Variants in CRACD observed in about 807,000 individuals in gnomAD.
The protein encoded by CRACD is capping protein inhibiting regulator of actin dynamics, also known as capping protein-inhibiting regulator of actin dynamics.
In CRACD, 56 loss-of-function variants were observed where a neutral mutation model predicts 106.8. The ratio of observed to expected loss-of-function variants is 0.52; its 90% CI spans 0.42 to 0.66. CRACD has a LOEUF of 0.66. Ranked by LOEUF, CRACD falls within the 30% of genes least tolerant of loss-of-function variation. The pLI is 0.00. For synonymous variants in CRACD, 754 were observed against 670.8 expected, an observed-to-expected ratio of 1.12 and a Z score of -1.92; for missense variants, 1,730 against 1,623.2, an observed-to-expected ratio of 1.07 and a Z score of -1.13.
chr4:56,252,026 G>A (rs11942391), intron 2 of CRACD, among the ~76,000 whole-genome samples: 30,172 of 149,816 alleles, frequency 0.2, 4,222 homozygotes, highest in East Asian at 0.7. Flanking sequence ...AAGAAGTAGT[G>A]CCAACATTAT....
chr4:56,123,882 A>G (rs569658936), intron 1 of CRACD, among the ~76,000 whole-genome samples: 3 of 152,316 alleles, frequency 2.0e-5, no homozygotes, highest in Non-Finnish European at 2.9e-5. Flanking sequence ...CTGAACAACC[A>G]TGTTTCCTGA....
chr4:56,268,536 T>C (rs1475587973), intron 2 of CRACD, among the ~76,000 whole-genome samples: 1 of 152,092 alleles, frequency 6.6e-6, no homozygotes, highest in Non-Finnish European at 1.5e-5. Flanking sequence ...GCAACTGATA[T>C]AAAAGGAAAA....
chr4:56,266,403 A>C (rs578252755), intron 2 of CRACD, among the ~76,000 whole-genome samples: 1 of 152,346 alleles, frequency 6.6e-6, no homozygotes, highest in African/African-American at 2.4e-5. Flanking sequence ...CTAGAGCTGC[A>C]GTGAGGAAAA....
intron 1 of CRACD, among the ~76,000 whole-genome samples, chr4:56,132,318 A>G (rs12510940): frequency 0.35 from 53,740 of 151,862 alleles, 10,023 homozygotes; most frequent in East Asian, 0.54. Flanking sequence ...GGGATTACAG[A>G]CATGAGCCAC....
At chr4:56,108,599 G>A (rs1228378296) in intron 1 of CRACD, among the ~76,000 whole-genome samples, 1 of 152,098 alleles carries the variant, frequency 6.6e-6, no homozygotes, top group Non-Finnish European at 1.5e-5. Flanking sequence ...GTGGAGACCG[G>A]TAGTGGCCCC....
chr4:56,316,058 C>G lies in CRACD; in HGVS notation c.2556C>G (p.Thr852=). 1 of 1,614,170 alleles carries G rather than the reference C, an allele frequency of 6.2e-7. No homozygotes were observed. The highest frequency in any genetic ancestry group is 8.5e-7 in the Non-Finnish European group (1 of 1,180,038). ...ASPFGIKLRR[T]NYSLRFNCDQ... is the part of the protein sequence containing the mutation. ...CGTTTGGAATAAAATTGAGAAGGAC[C>G]AACTATTCCTTGCGCTTCAACTGCG... Residue 852 remains threonine, a synonymous_variant, in exon 8 of 11, where the codon ACC becomes ACG. Transcript: ENST00000682029.
Position 56,315,606 on chromosome 4 carries a change from C to A in CRACD, c.2104C>A (p.Arg702=), listed in dbSNP as rs528871147. ...CGGTGATGAGTCCACTCCCAGGGGC[C>A]GGTGTGATTCCCGCGGGAACCAACG... ...RPGDESTPRG[R]CDSRGNQRKT... The change falls in exon 8 of 11, where the codon CGG becomes AGG. Residue 702 remains arginine, a synonymous_variant. Transcript: ENST00000682029. This position sits in a 1 kb window ranked among gnomAD's most constrained non-coding sequence, Gnocchi z 4.1. The A allele has an allele frequency of 7.4e-6, 12 of 1,614,160 alleles. No individual in the cohort carries two copies. In the African/African-American group the frequency reaches 1.6e-4, roughly 22 times the overall value.
intron 2 of CRACD, among the ~76,000 whole-genome samples, chr4:56,208,075 A>T (rs1738218955): frequency 6.6e-6 from 1 of 151,624 alleles, no homozygotes; most frequent in Non-Finnish European, 1.5e-5. Context: ...CGGCCTCCCA[A>T]AGTGCTGGAA....
intron 2 of CRACD, among the ~76,000 whole-genome samples, chr4:56,247,951 C>T (rs188496022): frequency 9.0e-4 from 137 of 152,044 alleles, no homozygotes; most frequent in African/African-American, 3.0e-3. Context: ...TATTTTATCA[C>T]GATAAATAAC....
At chr4:56,265,223 A>C (rs1741939280) in intron 2 of CRACD, among the ~76,000 whole-genome samples, 1 of 152,244 alleles carries the variant, frequency 6.6e-6, no homozygotes, top group Non-Finnish European at 1.5e-5. Context: ...CAGATATTCC[A>C]AAGCTAAGAA....
At chr4:56,093,645 C>A (rs904989199) in intron 1 of CRACD, among the ~76,000 whole-genome samples, 7 of 152,144 alleles carry the variant, frequency 4.6e-5, no homozygotes, top group Non-Finnish European at 8.8e-5. Context: ...TGCCAGGTTC[C>A]ATTTGAGATC....
chr4:56,220,347 C>T (rs1292328010), intron 2 of CRACD, among the ~76,000 whole-genome samples: 10 of 152,182 alleles, frequency 6.6e-5, no homozygotes, highest in Admixed American at 5.9e-4. Context: ...CAACTGTTGC[C>T]TCTCCCTAAA....
chr4:56,328,276 C>G lies in CRACD; in HGVS notation c.*472C>G. 1 of 516,388 alleles carries G rather than the reference C, an allele frequency of 1.9e-6. No homozygotes were observed. The highest frequency in any genetic ancestry group is 1.4e-5 in the South Asian group (1 of 70,724). 32.0% of individuals were successfully genotyped at this position (516,388 alleles called of 1,614,324 possible). A position where few individuals can be genotyped will look rare whatever the true frequency, so the allele number is the denominator to read the frequency against. On this transcript the variant is annotated 3_prime_UTR_variant, in exon 11 of 11. Coordinates refer to ENST00000682029, the MANE Select transcript of CRACD (RefSeq NM_001393381.1). ...GTAATGGTGAAAGGATCATATCTAG[C>G]TAAAAGCAAGAACACCCATTCTCCT...
At chr4:56,116,230 G>A (rs564361902) in intron 1 of CRACD, among the ~76,000 whole-genome samples, 2 of 152,258 alleles carry the variant, frequency 1.3e-5, no homozygotes, top group African/African-American at 2.4e-5. Flanking sequence ...TAGCCTTGAT[G>A]TTCTGGTCTC....
Position 56,316,078 on chromosome 4 carries a change from A to C in CRACD, c.2576A>C (p.Asn859Thr). Residue 859 changes from asparagine to threonine, a missense_variant, in exon 8 of 11, where the codon AAC (asparagine) becomes ACC (threonine). Coordinates refer to ENST00000682029, the MANE Select transcript of CRACD (RefSeq NM_001393381.1). ...AGGACCAACTATTCCTTGCGCTTCA[A>C]CTGCGACCAACAGGCAGAACAGAAG... Reference protein sequence around the residue: ...LRRTNYSLRFNCDQQAEQKKK... With the variant: ...LRRTNYSLRFTCDQQAEQKKK... The C allele has an allele frequency of 6.2e-7, 1 of 1,614,218 alleles. No individual in the cohort carries two copies. Among genetic ancestry groups the C allele is most frequent in the Non-Finnish European group, 8.5e-7 (1 of 1,180,044 alleles).
intron 1 of CRACD, among the ~76,000 whole-genome samples, chr4:56,176,173 A>C (rs1736574928): frequency 6.6e-6 from 1 of 152,058 alleles, no homozygotes; most frequent in African/African-American, 2.4e-5. Context: ...GCTGTTTTAG[A>C]TATTATAGCT....
chr4:56,221,378 A>T (rs1156652916), intron 2 of CRACD, among the ~76,000 whole-genome samples: 1 of 152,216 alleles, frequency 6.6e-6, no homozygotes, highest in African/African-American at 2.4e-5. Flanking sequence ...ATACAAATAT[A>T]TTGAGAGGTT....
chr4:56,202,132 C>T (rs1039412870), intron 2 of CRACD, among the ~76,000 whole-genome samples: 2 of 152,172 alleles, frequency 1.3e-5, no homozygotes, highest in Non-Finnish European at 2.9e-5. Flanking sequence ...GCATTTGTAG[C>T]TAAAGCTGTT....
At chr4:56,308,442 C>G (rs796968407) in intron 5 of CRACD, among the ~76,000 whole-genome samples, 6 of 151,252 alleles carry the variant, frequency 4.0e-5, no homozygotes, top group African/African-American at 1.5e-4. Context: ...CAGGAATTCT[C>G]TAGGTGAGGC....
Sources: allele counts gnomAD v4.1 joint callset (sites outside exome capture counted in the v4.1 genomes callset), GRCh38; gene constraint gnomAD v4.1.1; non-coding constraint Gnocchi (gnomAD v3.1); transcripts MANE v1.5; gene names NCBI Gene and HGNC (gene_info 2026-07-23, HGNC 2026-07-21).